The following S100A8 variants were observed in gnomAD, a reference collection of about 807,000 sequenced individuals.
The protein encoded by S100A8 is protein S100-A8.
In S100A8, 1 loss-of-function variant was observed where a neutral mutation model predicts 4.2. The ratio of observed to expected loss-of-function variants is 0.24; its 90% confidence interval spans 0.08 to 1.12. S100A8 has a LOEUF of 1.12. Among genes scored for constraint, S100A8 ranks in the 50% most tolerant of loss-of-function variants. The pLI is 0.53. For missense variants in S100A8, 96 were observed against 111.8 expected (o/e 0.86, Z 0.64); for synonymous variants, 41 against 44.7 (o/e 0.92, Z 0.33).
chr1:153,422,039 G>A, the S100A8 span: 1 of 152,228 alleles, frequency 6.6e-6, no homozygotes, highest in Non-Finnish European at 1.5e-5. Flanking sequence ...TCCCAGAGAG[G>A]TGATCACAGG....
the S100A8 span, chr1:153,419,587 C>A: frequency 2.3e-6 from 1 of 430,024 alleles, no homozygotes; most frequent in Non-Finnish European, 4.1e-6. Flanking sequence ...AATGCAGCCA[C>A]CTTGGCAGGT....
At chr1:153,422,079 TA>T in the S100A8 span, 1 of 152,238 alleles carries the variant, frequency 6.6e-6, no homozygotes, top group Non-Finnish European at 1.5e-5. Flanking sequence ...ATACAGTTCC[TA>T]GTTAAGATCC....
chr1:153,391,748 G>A (rs1288265085), upstream of S100A8, among the ~76,000 whole-genome samples: 1 of 152,174 alleles, frequency 6.6e-6, no homozygotes, highest in Non-Finnish European at 1.5e-5. Context: ...CCTGGGAGAT[G>A]GAGGCTGCTT....
At chr1:153,407,230 G>A in the S100A8 span, among the ~76,000 whole-genome samples, 3 of 152,228 alleles carry the variant, frequency 2.0e-5, no homozygotes, top group Non-Finnish European at 2.9e-5. Flanking sequence ...AAGGGAAGCC[G>A]TGACAGACGG....
chr1:153,398,789 C>T, the S100A8 span, among the ~76,000 whole-genome samples: 10 of 152,186 alleles, frequency 6.6e-5, no homozygotes, highest in Non-Finnish European at 1.5e-4. Context: ...AGCATATTTA[C>T]CCCCAGTTTC....
the S100A8 span, among the ~76,000 whole-genome samples, chr1:153,416,329 T>C: frequency 1.3e-5 from 2 of 152,174 alleles, no homozygotes; most frequent in Admixed American, 6.5e-5. Context: ...AGGTGAGGTC[T>C]CTGGGGTGGG....
the S100A8 span, among the ~76,000 whole-genome samples, chr1:153,404,837 A>G: frequency 6.6e-6 from 1 of 152,060 alleles, no homozygotes; most frequent in African/African-American, 2.4e-5. Context: ...TGGGACTCAC[A>G]ACCTACAGAA....
chr1:153,414,894 A>C, the S100A8 span, among the ~76,000 whole-genome samples: 1 of 152,208 alleles, frequency 6.6e-6, no homozygotes, highest in Non-Finnish European at 1.5e-5. Context: ...GTACCCACTA[A>C]GAAATGTCTC....
the S100A8 span, among the ~76,000 whole-genome samples, chr1:153,397,808 G>C: frequency 6.6e-6 from 1 of 152,136 alleles, no homozygotes; most frequent in Non-Finnish European, 1.5e-5. Context: ...CTTCCTGCCC[G>C]GGACAGGCTC....
the S100A8 span, among the ~76,000 whole-genome samples, chr1:153,414,038 T>G: frequency 6.6e-6 from 1 of 152,320 alleles, no homozygotes; most frequent in South Asian, 2.1e-4. Context: ...TGTATTAATA[T>G]TGTTGTCCCT....
chr1:153,394,308 A>G (rs1557849169), upstream of S100A8, among the ~76,000 whole-genome samples: 2 of 152,024 alleles, frequency 1.3e-5, no homozygotes, highest in Non-Finnish European at 2.9e-5. Flanking sequence ...CCTGCTTCGT[A>G]CTCAATGCCT....
chr1:153,415,436 A>C, the S100A8 span, among the ~76,000 whole-genome samples: 2 of 152,142 alleles, frequency 1.3e-5, no homozygotes, highest in African/African-American at 2.4e-5. Context: ...GAACATTGTA[A>C]GGGGGTAGCA....
intron 1 of S100A8, 121 bp from the exon 2 acceptor site, chr1:153,390,678 C>A: frequency 8.0e-7 from 1 of 1,255,416 alleles, no homozygotes; most frequent in Non-Finnish European, 1.1e-6. Flanking sequence ...TCCAAATAAC[C>A]AAACCAGCAG....
chr1:153,399,518 A>C, the S100A8 span, among the ~76,000 whole-genome samples: 1 of 152,302 alleles, frequency 6.6e-6, no homozygotes, highest in East Asian at 1.9e-4. Context: ...GTGAACCCCC[A>C]AACTCCACTG....
the S100A8 span, among the ~76,000 whole-genome samples, chr1:153,414,369 G>A: frequency 2.6e-5 from 4 of 152,206 alleles, no homozygotes; most frequent in Non-Finnish European, 5.9e-5. Flanking sequence ...ATCAGACTTT[G>A]TATGTTATCC....
chr1:153,406,436 C>G, the S100A8 span, among the ~76,000 whole-genome samples: 4 of 152,084 alleles, frequency 2.6e-5, no homozygotes, highest in Non-Finnish European at 5.9e-5. Context: ...ACTCTACTCT[C>G]TCACCACCCA....
At chr1:153,404,014 G>C in the S100A8 span, among the ~76,000 whole-genome samples, 1 of 152,114 alleles carries the variant, frequency 6.6e-6, no homozygotes, top group Non-Finnish European at 1.5e-5. Flanking sequence ...CCCTCCTCAG[G>C]TTAGATAATC....
chr1:153,415,915 G>A, the S100A8 span, among the ~76,000 whole-genome samples: 1 of 152,230 alleles, frequency 6.6e-6, no homozygotes, highest in African/African-American at 2.4e-5. Flanking sequence ...ATAAGAGTAA[G>A]GATTTGATTC....
upstream of S100A8, among the ~76,000 whole-genome samples, chr1:153,391,405 T>C (rs1662094312): frequency 6.6e-6 from 1 of 152,044 alleles, no homozygotes; most frequent in Non-Finnish European, 1.5e-5. Flanking sequence ...TCCCCTGCAT[T>C]GGTGGTCAGG....
Sources: allele counts gnomAD v4.1 joint callset (sites outside exome capture counted in the v4.1 genomes callset), GRCh38; gene constraint gnomAD v4.1.1; transcripts MANE v1.5; gene names NCBI Gene and HGNC (gene_info 2026-07-23, HGNC 2026-07-21).